Variants in PPP1R12A observed in about 807,000 individuals in gnomAD.
PPP1R12A encodes the protein protein phosphatase 1 regulatory subunit 12A, also known as myosin binding subunit.
PPP1R12A carries 19 observed loss-of-function variants against 139.6 expected under a neutral mutation model. The ratio of observed to expected loss-of-function variants is 0.14; its 90% CI spans 0.09 to 0.20. PPP1R12A has a LOEUF of 0.20. Ranked by LOEUF, PPP1R12A falls within the 10% of genes least tolerant of loss-of-function variation. The pLI is 1.00. For synonymous variants in PPP1R12A, 427 were observed against 420.6 expected (o/e 1.02, Z -0.19); for missense variants, 925 against 1,211.5 (o/e 0.76, Z 3.51).
chr12:79,875,037 T>C (rs1882966526), intron 1 of PPP1R12A, among the ~76,000 whole-genome samples: 1 of 152,192 alleles, frequency 6.6e-6, no homozygotes, highest in Admixed American at 6.5e-5. Flanking sequence ...TAATTCCTAG[T>C]ACTCTATCAC....
intron 18 of PPP1R12A, among the ~76,000 whole-genome samples, chr12:79,794,162 TTCTA>T (rs1565742097): frequency 6.6e-6 from 1 of 151,978 alleles, no homozygotes; most frequent in African/African-American, 2.4e-5. Context: ...ATTATGTTAC[TTCTA>T]TAAAGTATAT....
chr12:79,867,933 C>A (rs1327478302), intron 2 of PPP1R12A, among the ~76,000 whole-genome samples: 1 of 152,148 alleles, frequency 6.6e-6, no homozygotes, highest in Non-Finnish European at 1.5e-5. Flanking sequence ...GCCTCCCCAG[C>A]CCTGTGGAAC....
At chr12:79,816,554 AAGAT>A (rs532795064) in intron 9 of PPP1R12A, among the ~76,000 whole-genome samples, 177 of 152,294 alleles carry the variant, frequency 1.2e-3, no homozygotes, top group African/African-American at 3.7e-3. Flanking sequence ...GGTTAAAAGA[AAGAT>A]AGGTTCCAGA....
At chr12:79,858,112 A>G (rs902817598) in intron 2 of PPP1R12A, among the ~76,000 whole-genome samples, 3 of 152,222 alleles carry the variant, frequency 2.0e-5, no homozygotes, top group Non-Finnish European at 2.9e-5. Context: ...GACAAGAAAT[A>G]TATAATAAAA....
chr12:79,806,744 C>T, intron 12 of PPP1R12A: 1 of 168,728 alleles, frequency 5.9e-6, no homozygotes, highest in Admixed American at 5.8e-5. Flanking sequence ...CCAATGCCTA[C>T]ATGATACTTG....
At chr12:79,872,433 T>C (rs1223337069) in intron 2 of PPP1R12A, among the ~76,000 whole-genome samples, 1 of 152,166 alleles carries the variant, frequency 6.6e-6, no homozygotes, top group Non-Finnish European at 1.5e-5. Context: ...ATGTATCATA[T>C]TCTCCCTATA....
intron 1 of PPP1R12A, among the ~76,000 whole-genome samples, chr12:79,900,645 C>G (rs975768181): frequency 2.0e-5 from 3 of 152,104 alleles, no homozygotes; most frequent in Non-Finnish European, 2.9e-5. Flanking sequence ...CAAGGTGTAT[C>G]TTCACACCAT....
chr12:79,918,721 A>C (rs527967793), intron 1 of PPP1R12A, among the ~76,000 whole-genome samples: 1 of 152,148 alleles, frequency 6.6e-6, no homozygotes, highest in African/African-American at 2.4e-5. Context: ...ATGTCTCTCT[A>C]CCTTCAGCTT....
Position 79,805,755 on chromosome 12 carries a change from A to T in PPP1R12A, c.1837T>A (p.Leu613Met). ...AGTQSSTSNR[L>M]WAEDSTEKEK... is the part of the protein sequence containing the mutation. ...TTCTCAGTACTATCCTCAGCCCACAAACGATTTGAGGTACTATAGCATCAT... is the reference window on the plus strand; with the variant it reads ...TTCTCAGTACTATCCTCAGCCCACATACGATTTGAGGTACTATAGCATCAT... Residue 613 changes from leucine (L) to methionine (M), a missense_variant, in exon 14 of 25, where the codon TTG (leucine) becomes ATG (methionine). Transcript: ENST00000450142. The T allele has an allele frequency of 6.2e-7, 1 of 1,612,392 alleles. No individual in the cohort carries two copies. The highest frequency in any genetic ancestry group is 8.5e-7 in the Non-Finnish European group (1 of 1,178,984).
intron 1 of PPP1R12A, among the ~76,000 whole-genome samples, chr12:79,876,163 C>T (rs907077086): frequency 2.0e-5 from 3 of 152,174 alleles, no homozygotes; most frequent in Non-Finnish European, 4.4e-5. Flanking sequence ...TCTTGGACAG[C>T]ATACTAAAAT....
At chr12:79,810,051 G>T (rs2656041) in intron 9 of PPP1R12A, 41 bp from the exon 10 acceptor site, 155,307 of 1,455,412 alleles carry the variant, frequency 0.11, 16,650 homozygotes, top group African/African-American at 0.5. Flanking sequence ...AAAAGAATTT[G>T]TAAAGCTGAT....
At chr12:79,854,299 T>C (rs1030520410) in intron 2 of PPP1R12A, among the ~76,000 whole-genome samples, 2 of 152,204 alleles carry the variant, frequency 1.3e-5, no homozygotes, top group African/African-American at 4.8e-5. Flanking sequence ...TCGGTATTTA[T>C]GATGTTACAA....
chr12:79,778,582 T>C lies in PPP1R12A; in HGVS notation c.2974A>G (p.Arg992Gly). 1 of 1,532,770 alleles carries C rather than the reference T, an allele frequency of 6.5e-7. No homozygotes were observed. The highest frequency in any genetic ancestry group is 8.8e-7 in the Non-Finnish European group (1 of 1,135,622). 94.9% of individuals were successfully genotyped at this position (1,532,770 alleles called of 1,614,324 possible). A position where few individuals can be genotyped will look rare whatever the true frequency, so the allele number is the denominator to read the frequency against. Residue 992 changes from arginine (R) to glycine (G), a missense_variant, in exon 24 of 25, where the codon AGA becomes GGA. Physicochemically the swap from Arg to Gly is moderately radical, Grantham distance 125. Around this residue, in one of 4 missense-constraint regions of PPP1R12A, gnomAD observed 315 missense variants for 363.4 expected, o/e 0.87. Coordinates refer to ENST00000450142, the MANE Select transcript of PPP1R12A (RefSeq NM_002480.3). Reference sequence around the variant, plus strand: ...TCTTCTTCCATTTCAGATATTCTTCTTTCTAGAGCTCTTCGTTCCTAGATC... The same window carrying C: ...TCTTCTTCCATTTCAGATATTCTTCCTTCTAGAGCTCTTCGTTCCTAGATC... ...MEKRERRALERRISEMEEELK... is the reference protein window; with the variant it reads ...MEKRERRALEGRISEMEEELK...
chr12:79,900,088 C>A (rs1192554553), intron 1 of PPP1R12A, among the ~76,000 whole-genome samples: 8 of 152,172 alleles, frequency 5.3e-5, no homozygotes, highest in Non-Finnish European at 1.0e-4. Context: ...ATGCTTTGCA[C>A]CTGCTAGAAC....
At chr12:79,816,000 A>ATT (rs1489302998) in intron 9 of PPP1R12A, among the ~76,000 whole-genome samples, 3 of 151,956 alleles carry the variant, frequency 2.0e-5, no homozygotes, top group African/African-American at 4.8e-5. Context: ...TTTATTCTGC[A>ATT]GTTTATGATT....
rs1047839463 is a variant in PPP1R12A, at chr12:79,934,988, G to C, written c.-57C>G. On this transcript the variant is annotated 5_prime_UTR_variant, in exon 1 of 25. Transcript: ENST00000450142. ...GAGGGGGGGAAGGGGGAGGCGGAGA[G>C]GGAAGAGAGGGGAGGCAGGGGGTGT... is the stretch of plus-strand genomic sequence containing the variant. The C allele has an allele frequency of 3.3e-6, 5 of 1,513,296 alleles. No homozygotes were observed. The highest frequency in any genetic ancestry group is 4.4e-6 in the Non-Finnish European group (5 of 1,127,260). The allele number at this position is 1,513,296 out of a possible 1,614,324, so 93.7% of individuals were successfully genotyped here.
At chr12:79,930,592 G>C (rs555026054) in intron 1 of PPP1R12A, among the ~76,000 whole-genome samples, 2 of 152,098 alleles carry the variant, frequency 1.3e-5, no homozygotes, top group Non-Finnish European at 2.9e-5. Flanking sequence ...GATCAACATA[G>C]AGAAACCGCA....
intron 1 of PPP1R12A, among the ~76,000 whole-genome samples, chr12:79,874,812 T>C (rs538939896): frequency 9.9e-5 from 15 of 152,200 alleles, no homozygotes; most frequent in East Asian, 5.8e-4. Flanking sequence ...AAGGTACTCA[T>C]TGTTCCCCAC....
At chr12:79,861,197 G>A (rs1014531013) in intron 2 of PPP1R12A, among the ~76,000 whole-genome samples, 1 of 152,146 alleles carries the variant, frequency 6.6e-6, no homozygotes, top group Non-Finnish European at 1.5e-5. Context: ...AACTTTTAAA[G>A]ACTACTTTAT....
Sources: allele counts gnomAD v4.1 joint callset (sites outside exome capture counted in the v4.1 genomes callset), GRCh38; gene constraint gnomAD v4.1.1; regional missense constraint gnomAD v4.1.1; transcripts MANE v1.5; gene names NCBI Gene and HGNC (gene_info 2026-07-23, HGNC 2026-07-21).